CLCC1: variants seen among roughly 807,000 people sequenced by gnomAD.
CLCC1 encodes chloride channel CLIC like 1.
CLCC1 carries 39 observed loss-of-function variants against 63.3 expected under a neutral mutation model. That is an observed-to-expected ratio of 0.62 (90% CI 0.48 to 0.81). The LOEUF is 0.81. CLCC1 is among the 30% of genes least tolerant of loss of function. The pLI is 0.00. For missense variants in CLCC1, 549 were observed against 669.4 expected, an observed-to-expected ratio of 0.82 and a Z score of 1.98; for synonymous variants, 217 against 239.8, an observed-to-expected ratio of 0.90 and a Z score of 0.88.
intron 2 of CLCC1, among the ~76,000 whole-genome samples, chr1:108,958,563 T>C (rs1371793633): frequency 6.6e-6 from 1 of 151,648 alleles, no homozygotes; most frequent in Non-Finnish European, 1.5e-5. Flanking sequence ...GTGCTTCCTT[T>C]AAGTGAAAAA....
chr1:108,963,064 C>T (rs1656872034), intron 1 of CLCC1, among the ~76,000 whole-genome samples: 1 of 152,236 alleles, frequency 6.6e-6, no homozygotes, highest in Non-Finnish European at 1.5e-5. Flanking sequence ...ATTCAACGTG[C>T]GCTCAGGTCT....
At chr1:108,961,441 C>T (rs534852038) in intron 2 of CLCC1, among the ~76,000 whole-genome samples, 1 of 152,286 alleles carries the variant, frequency 6.6e-6, no homozygotes, top group Admixed American at 6.5e-5. Flanking sequence ...ATGGTGGCAC[C>T]TATGTCATTC....
intron 10 of CLCC1, 80 bp from the exon 11 acceptor site, chr1:108,937,498 T>C: frequency 1.7e-6 from 2 of 1,170,566 alleles, no homozygotes; most frequent in Non-Finnish European, 2.4e-6. Context: ...TTCAGAGTGC[T>C]AACAAAGTTA....
chr1:108,941,076 C>T (rs1055790130), intron 8 of CLCC1, among the ~76,000 whole-genome samples: 1 of 152,302 alleles, frequency 6.6e-6, no homozygotes, highest in South Asian at 2.1e-4. Context: ...CATTCATTCA[C>T]TTGTTTAATA....
rs190850348 is a variant in CLCC1, at chr1:108,944,779, G to A, written c.340-722C>T. Among the ~76,000 whole-genome samples, 1,308 of 152,148 alleles carry A rather than the reference G, an allele frequency of 8.6e-3. 12 individuals carry two copies. Among genetic ancestry groups the A allele is most frequent in the Middle Eastern group, 0.014 (4 of 294 alleles). On this transcript the variant is annotated intron_variant, in intron 5 of 12. Transcript: ENST00000369969. ...CATGTAGCTGGGACTACAGGTGCCC[G>A]CCACTACGCCTGGCTAATTTTTTCT...
At chr1:108,959,131 G>A (rs922197357) in intron 2 of CLCC1, among the ~76,000 whole-genome samples, 2 of 152,146 alleles carry the variant, frequency 1.3e-5, no homozygotes, top group Admixed American at 1.3e-4. Context: ...CCGAGATCAC[G>A]CCATTGCACT....
chr1:108,948,339 C>A (rs904550983), intron 4 of CLCC1, among the ~76,000 whole-genome samples: 3 of 152,224 alleles, frequency 2.0e-5, no homozygotes, highest in Non-Finnish European at 4.4e-5. Flanking sequence ...CAATTCTACA[C>A]GGGAGCAGAC....
rs749239237 is a variant in CLCC1, at chr1:108,937,180, T to G, written c.1280A>C (p.Asp427Ala). The G allele has an allele frequency of 5.7e-6, 9 of 1,587,974 alleles. No individual in the cohort carries two copies. The highest frequency in any genetic ancestry group is 6.9e-6 in the Non-Finnish European group (8 of 1,167,674). The change falls in exon 11 of 13, where the codon GAT becomes GCT. Residue 427 changes from aspartate (D) to alanine (A), a missense_variant. Asp to Ala is a moderately radical substitution (Grantham distance 126, BLOSUM62 -2). Coordinates refer to ENST00000369969, the MANE Select transcript of CLCC1 (RefSeq NM_001377458.1). ...EGRREILRER[D>A]VDLRFQTGNK... ...GCCAGTCTGAAATCTCAAGTCAACA[T>G]CTCTCTCTCTCAAAATCTCTCTTCT...
intron 10 of CLCC1, among the ~76,000 whole-genome samples, chr1:108,939,190 TATATAA>T (rs1430593166): frequency 6.8e-6 from 1 of 146,146 alleles, no homozygotes; most frequent in Non-Finnish European, 1.5e-5. Context: ...TGCATATATA[TATATAA>T]ATATAAATAT....
chr1:108,931,944 C>T lies in CLCC1; in HGVS notation c.*603G>A, dbSNP rs926457025. 2 of 155,128 alleles carry T rather than the reference C, an allele frequency of 1.3e-5. No individual in the cohort carries two copies. The highest frequency in any genetic ancestry group is 2.4e-5 in the African/African-American group (1 of 41,448). 9.6% of individuals were successfully genotyped at this position (155,128 alleles called of 1,614,324 possible). ...TATTCCATTTAAACATTGTTTTTAA[C>T]AGCTGTCTACCCTGTTCTGATTTTC... On this transcript the variant is annotated 3_prime_UTR_variant, in exon 13 of 13. Coordinates refer to ENST00000369969, the MANE Select transcript of CLCC1 (RefSeq NM_001377458.1).
At chr1:108,933,966 T>C (rs1479869436) in intron 12 of CLCC1, 2 of 152,238 alleles carry the variant, frequency 1.3e-5, no homozygotes, top group Admixed American at 6.5e-5. Context: ...AAAAAGCCCA[T>C]GCACTTCAAT....
intron 2 of CLCC1, among the ~76,000 whole-genome samples, chr1:108,957,525 TG>T (rs1359811397): frequency 6.6e-6 from 1 of 151,600 alleles, no homozygotes; most frequent in Non-Finnish European, 1.5e-5. Context: ...ATTTCATTTA[TG>T]GCATATACTG....
In CLCC1 at chr1:108,929,901, G is replaced by T; in HGVS notation, c.*2646C>A. 6.2e-7 allele frequency: 1 copy of T among 1,613,534 alleles called. No homozygotes were observed. The highest frequency in any genetic ancestry group is 8.5e-7 in the Non-Finnish European group (1 of 1,179,594). On this transcript the variant is annotated 3_prime_UTR_variant, in exon 13 of 13. Coordinates refer to ENST00000369969, the MANE Select transcript of CLCC1 (RefSeq NM_001377458.1). ...ACTTTTTGCAAAATAATGCTTTGTT[G>T]GAGTTTAAAAATTCAGGGAAAAAAT...
Position 108,930,211 on chromosome 1 carries a change from T to C in CLCC1, c.*2336A>G. On this transcript the variant is annotated 3_prime_UTR_variant, in exon 13 of 13. Transcript: ENST00000369969. Reference sequence around the variant, plus strand: ...GCTTGTGAGATTACTTTACCTAGTGTTTATAAAGTAGGAAGTTAAGTGAAT... The same window carrying C: ...GCTTGTGAGATTACTTTACCTAGTGCTTATAAAGTAGGAAGTTAAGTGAAT... 2.8e-6 allele frequency: 1 copy of C among 362,608 alleles called. No homozygotes were observed. The highest frequency in any genetic ancestry group is 5.0e-6 in the Non-Finnish European group (1 of 201,230). 22.5% of individuals were successfully genotyped at this position (362,608 alleles called of 1,614,324 possible).
chr1:108,962,967 T>C (rs2101744633), intron 1 of CLCC1, among the ~76,000 whole-genome samples: 1 of 152,282 alleles, frequency 6.6e-6, no homozygotes, highest in South Asian at 2.1e-4. Context: ...TTTTAGAAAA[T>C]TAACTACAAC....
Position 108,937,115 on chromosome 1 carries a change from C to A in CLCC1, c.1345G>T (p.Asp449Tyr). ...GTGGGATGCTCTCGTGCCTCTGCGT[C>A]TGGTACATCAAATGCCCGGAGCACT... ...PEVLRAFDVP[D>Y]AEAREHPTVV... Residue 449 changes from aspartate (D) to tyrosine (Y), a missense_variant, in exon 11 of 13, where the codon GAC (aspartate) becomes TAC (tyrosine). Physicochemically the swap from Asp to Tyr is radical, Grantham distance 160. Transcript: ENST00000369969. The A allele has an allele frequency of 6.5e-7, 1 of 1,527,330 alleles. No homozygotes were observed. The highest frequency in any genetic ancestry group is 8.8e-7 in the Non-Finnish European group (1 of 1,139,622). The allele number at this position is 1,527,330 out of a possible 1,614,324, so 94.6% of individuals were successfully genotyped here.
At position 108,963,454 on chromosome 1, in the gene CLCC1, G is replaced by C. The variant is rs1197328181; in HGVS notation, c.-266C>G. The C allele has an allele frequency of 1.4e-6, 1 of 702,332 alleles. No individual in the cohort carries two copies. Among genetic ancestry groups the C allele is most frequent in the Non-Finnish European group, 2.6e-6 (1 of 384,780 alleles). 43.5% of individuals were successfully genotyped at this position (702,332 alleles called of 1,614,324 possible). On this transcript the variant is annotated 5_prime_UTR_variant, in exon 1 of 13. Coordinates refer to ENST00000369969, the MANE Select transcript of CLCC1 (RefSeq NM_001377458.1). ...GCTTGCCGCCGCCCAGGGTTTCAGC[G>C]TGCTTCCTGGGCCTCGTCATCGAAT...
intron 2 of CLCC1, among the ~76,000 whole-genome samples, chr1:108,961,297 A>C (rs1218302301): frequency 6.6e-6 from 1 of 151,560 alleles, no homozygotes; most frequent in Admixed American, 6.6e-5. Context: ...AAAAAAAAAA[A>C]AACGATTCTG....
intron 12 of CLCC1, chr1:108,934,047 T>C (rs1040325238): frequency 1.3e-5 from 2 of 152,264 alleles, no homozygotes; most frequent in African/African-American, 2.4e-5. Flanking sequence ...TATAACAAGC[T>C]ATGTTATCTA....
Sources: allele counts gnomAD v4.1 joint callset (sites outside exome capture counted in the v4.1 genomes callset), GRCh38; gene constraint gnomAD v4.1.1; transcripts MANE v1.5; gene names NCBI Gene and HGNC (gene_info 2026-07-23, HGNC 2026-07-21).